The following SIPA1L3 variants were observed in gnomAD, a reference collection of about 807,000 sequenced individuals.
The protein encoded by SIPA1L3 is signal-induced proliferation-associated 1-like protein 3.
In SIPA1L3, 59 loss-of-function variants were observed where a neutral mutation model predicts 150.1. That is an observed-to-expected ratio of 0.39 (90% CI 0.32 to 0.49). The LOEUF (loss-of-function observed/expected upper bound fraction) is 0.49, where lower values mean the gene tolerates loss of function less well. Among genes scored for constraint, SIPA1L3 ranks in the 20% least tolerant of loss-of-function variants. The pLI is 0.86. For synonymous variants in SIPA1L3, 1,070 were observed against 1,077.6 expected (o/e 0.99, Z 0.14); for missense variants, 2,211 against 2,489.5 (o/e 0.89, Z 2.38).
chr19:37,912,124 C>T (rs2046382203), intron 1 of SIPA1L3, among the ~76,000 whole-genome samples: 1 of 151,870 alleles, frequency 6.6e-6, no homozygotes, highest in Admixed American at 6.6e-5. Flanking sequence ...GTAATCCCAG[C>T]TACTTGGGAG....
At chr19:38,094,592 A>C (rs907954424) in intron 4 of SIPA1L3, among the ~76,000 whole-genome samples, 1 of 152,126 alleles carries the variant, frequency 6.6e-6, no homozygotes, top group Non-Finnish European at 1.5e-5. Flanking sequence ...CATATTGTTA[A>C]GTAGGGGGAA....
chr19:38,126,716 A>G (rs1479604992), intron 9 of SIPA1L3, among the ~76,000 whole-genome samples: 1 of 151,680 alleles, frequency 6.6e-6, no homozygotes, highest in Non-Finnish European at 1.5e-5. Context: ...TTGTATTTTT[A>G]GTAGAGACGG....
chr19:38,077,182 G>A (rs145417746), intron 2 of SIPA1L3, among the ~76,000 whole-genome samples: 2 of 152,266 alleles, frequency 1.3e-5, no homozygotes, highest in South Asian at 2.1e-4. Context: ...TGGGTACGGT[G>A]CCTCACACCT....
chr19:38,110,414 C>A, intron 8 of SIPA1L3, 30 bp downstream of exon 8: 2 of 1,593,944 alleles, frequency 1.3e-6, no homozygotes, highest in Non-Finnish European at 8.6e-7. Flanking sequence ...CCCCCAGCAG[C>A]GTATGGAGAG....
intron 10 of SIPA1L3, among the ~76,000 whole-genome samples, chr19:38,139,294 G>A (rs1261655817): frequency 6.6e-6 from 1 of 152,200 alleles, no homozygotes; most frequent in Non-Finnish European, 1.5e-5. Flanking sequence ...GGTGCTTGGA[G>A]AAAGCTTCTA....
At chr19:37,961,084 A>T (rs1460196178) in intron 1 of SIPA1L3, among the ~76,000 whole-genome samples, 1 of 150,922 alleles carries the variant, frequency 6.6e-6, no homozygotes, top group African/African-American at 2.4e-5. Context: ...GGCCAGGGTG[A>T]TCTTGAACTC....
intron 2 of SIPA1L3, among the ~76,000 whole-genome samples, chr19:38,070,973 G>C (rs986627065): frequency 6.6e-6 from 1 of 152,160 alleles, no homozygotes; most frequent in Non-Finnish European, 1.5e-5. Flanking sequence ...CACCCAGGGG[G>C]TCCCTCTACC....
At chr19:38,096,787 CTGTT>C (rs1970389833) in intron 4 of SIPA1L3, among the ~76,000 whole-genome samples, 1 of 152,122 alleles carries the variant, frequency 6.6e-6, no homozygotes, top group Non-Finnish European at 1.5e-5. Context: ...ACTTGGAAAA[CTGTT>C]TGGCAGTTCA....
chr19:38,089,575 C>G (rs1970216872), intron 4 of SIPA1L3, among the ~76,000 whole-genome samples: 1 of 152,160 alleles, frequency 6.6e-6, no homozygotes, highest in African/African-American at 2.4e-5. Context: ...AGGACAGGAA[C>G]TGGGGACTCT....
rs7256239 is a variant in SIPA1L3, at chr19:38,179,476, A to G, written c.4209-3043A>G. Among the ~76,000 whole-genome samples the G allele has an allele frequency of 4.6e-3, 702 of 152,300 alleles. 7 individuals carry two copies. Among genetic ancestry groups the G allele is most frequent in the African/African-American group, 0.016 (667 of 41,574 alleles). ...AAATAAAAAATATATATAATTTAGT[A>G]TAACATTTGGATTCTACTCTTGTGT... is the stretch of plus-strand genomic sequence containing the variant. On this transcript the variant is annotated intron_variant, in intron 15 of 21. Coordinates refer to ENST00000222345, the MANE Select transcript of SIPA1L3 (RefSeq NM_015073.3).
At chr19:38,131,244 G>T (rs1203960915) in intron 10 of SIPA1L3, among the ~76,000 whole-genome samples, 1 of 152,210 alleles carries the variant, frequency 6.6e-6, no homozygotes, top group Non-Finnish European at 1.5e-5. Context: ...TACCGGATCA[G>T]GTAGTACTAA....
intron 1 of SIPA1L3, among the ~76,000 whole-genome samples, chr19:37,959,053 T>C (rs755166610): frequency 2.0e-5 from 3 of 152,152 alleles, no homozygotes; most frequent in Admixed American, 1.3e-4. Context: ...TGTGGAGAAA[T>C]TGGAACCCTC....
chr19:38,071,948 A>T (rs1346430984), intron 2 of SIPA1L3, among the ~76,000 whole-genome samples: 1 of 152,210 alleles, frequency 6.6e-6, no homozygotes, highest in Non-Finnish European at 1.5e-5. Context: ...GAGATGTGTA[A>T]GTGGTGATGT....
intron 6 of SIPA1L3, among the ~76,000 whole-genome samples, chr19:38,104,444 T>A (rs1249981771): frequency 6.6e-6 from 1 of 152,214 alleles, no homozygotes; most frequent in Non-Finnish European, 1.5e-5. Context: ...GAGCCCTCCC[T>A]CTGTGCCGAG....
chr19:38,003,815 T>G (rs1483784776), intron 1 of SIPA1L3, among the ~76,000 whole-genome samples: 2 of 152,152 alleles, frequency 1.3e-5, no homozygotes, highest in Admixed American at 1.3e-4. Context: ...TTGTATTTGG[T>G]AGAGAAATGA....
chr19:37,916,971 A>G (rs997999641), intron 1 of SIPA1L3, among the ~76,000 whole-genome samples: 1 of 150,686 alleles, frequency 6.6e-6, no homozygotes, highest in Admixed American at 6.6e-5. Context: ...AAAAAAAAAA[A>G]TGTGGGTCAC....
chr19:37,971,809 C>G (rs147131319), intron 1 of SIPA1L3, among the ~76,000 whole-genome samples: 1 of 152,044 alleles, frequency 6.6e-6, no homozygotes, highest in African/African-American at 2.4e-5. Flanking sequence ...TCAGGCAATC[C>G]GCCCGCCTCA....
rs746760679 is a variant in SIPA1L3, at chr19:38,182,494, T to A, written c.4209-25T>A. On this transcript the variant is annotated intron_variant, in intron 15 of 21. Coordinates refer to ENST00000222345, the MANE Select transcript of SIPA1L3 (RefSeq NM_015073.3). ...AATGTGGAATGGATTTGGTTTTTTTTATCTCTTTCATTTTTGCTTTGCAGT... is the reference window on the plus strand; with the variant it reads ...AATGTGGAATGGATTTGGTTTTTTTAATCTCTTTCATTTTTGCTTTGCAGT... 32 of 1,541,790 alleles carry A rather than the reference T, an allele frequency of 2.1e-5. 1 individual carries two copies. In the South Asian group the frequency reaches 2.7e-4, roughly 13 times the overall value.
chr19:38,146,521 A>G (rs1039589635), intron 12 of SIPA1L3, among the ~76,000 whole-genome samples: 6 of 152,338 alleles, frequency 3.9e-5, no homozygotes, highest in South Asian at 2.1e-4. Flanking sequence ...GTGAACATGT[A>G]CATTCAGGCA....
Sources: allele counts gnomAD v4.1 joint callset (sites outside exome capture counted in the v4.1 genomes callset), GRCh38; gene constraint gnomAD v4.1.1; transcripts MANE v1.5; gene names NCBI Gene and HGNC (gene_info 2026-07-23, HGNC 2026-07-21).